TUSC3: variants seen among roughly 807,000 people sequenced by gnomAD.
The protein encoded by TUSC3 is dolichyl-diphosphooligosaccharide--protein glycosyltransferase subunit TUSC3.
Under a neutral mutation model 44.8 loss-of-function variants are expected in TUSC3, and 45 were observed. The observed-to-expected ratio is 1.00, with a 90% confidence interval of 0.79 to 1.29. The LOEUF is 1.29. TUSC3 is among the 50% of genes most tolerant of loss of function. The pLI, the probability that TUSC3 is intolerant of heterozygous loss-of-function variation, is 0.00. For missense variants in TUSC3, 519 were observed against 437.9 expected (o/e 1.19, Z -1.65); for synonymous variants, 212 against 152.9 (o/e 1.39, Z -2.85).
chr8:15,760,252 G>A (rs1379550448), intron 10 of TUSC3, among the ~76,000 whole-genome samples: 1 of 152,060 alleles, frequency 6.6e-6, no homozygotes, highest in African/African-American at 2.4e-5. Flanking sequence ...CCAACACCCA[G>A]GTCATCAAAT....
Position 15,428,456 on chromosome 8 carries a change from A to C in TUSC3, n.91+11151A>C, listed in dbSNP as rs371449158. On this transcript the variant is annotated intron_variant and non_coding_transcript_variant, in intron 1 of 5. Transcript: ENST00000503191. The stretch of plus-strand genomic sequence containing the variant: ...CGTGTGCATGTGTCTTTATAGCAGC[A>C]TGATTTATAGTCCTTTGGGTATATA... Among the ~76,000 whole-genome samples, 87 of 152,144 alleles carry C rather than the reference A, an allele frequency of 5.7e-4. 2 individuals carry two copies. In the South Asian group the frequency reaches 0.018, roughly 31 times the overall value.
chr8:15,822,325 TA>T, the TUSC3 span, among the ~76,000 whole-genome samples: 1 of 152,092 alleles, frequency 6.6e-6, no homozygotes, highest in Non-Finnish European at 1.5e-5. Flanking sequence ...CTACATATTT[TA>T]AAAAAATAGA....
At chr8:15,689,892 T>A (rs2129189376) in intron 6 of TUSC3, among the ~76,000 whole-genome samples, 1 of 146,550 alleles carries the variant, frequency 6.8e-6, no homozygotes, top group Non-Finnish European at 1.5e-5. Flanking sequence ...GCATGCCACA[T>A]TTTCTATATC....
intron 6 of TUSC3, among the ~76,000 whole-genome samples, chr8:15,703,984 T>TA (rs1291982170): frequency 1.3e-5 from 2 of 152,260 alleles, no homozygotes; most frequent in African/African-American, 4.8e-5. Context: ...ACAAAATAGA[T>TA]AAAGCTTATA....
chr8:15,501,885 G>A (rs575341308), intron 2 of TUSC3, among the ~76,000 whole-genome samples: 81 of 152,286 alleles, frequency 5.3e-4, no homozygotes, highest in Non-Finnish European at 4.0e-4. Flanking sequence ...TAATAACACA[G>A]TCTCTTATCC....
chr8:15,600,584 T>C (rs1804244066), intron 1 of TUSC3, among the ~76,000 whole-genome samples: 1 of 151,668 alleles, frequency 6.6e-6, no homozygotes. Flanking sequence ...GGGTTACAGA[T>C]TAAAATAAAT....
the TUSC3 span, among the ~76,000 whole-genome samples, chr8:15,812,538 A>C: frequency 1.3e-5 from 2 of 152,142 alleles, no homozygotes; most frequent in Non-Finnish European, 2.9e-5. Context: ...CACAGGTTTC[A>C]TCTACCTTAA....
chr8:15,634,653 C>G (rs1458717756), intron 2 of TUSC3, among the ~76,000 whole-genome samples: 1 of 152,266 alleles, frequency 6.6e-6, no homozygotes, highest in Middle Eastern at 3.4e-3. Context: ...GTGAGGAAGT[C>G]TTCAAAGGTG....
At position 15,573,168 on chromosome 8, in the gene TUSC3, TTC is replaced by T. The variant is rs1554516638; in HGVS notation, c.138+32634_138+32635del. The stretch of plus-strand genomic sequence containing the variant: ...TGCTTCAGTATAGTGTTCTCTCTCT[TTC>T]TCTCTCTCTCTCTCTCTCTCTCTCT... On this transcript the variant is annotated intron_variant, in intron 1 of 10. Transcript: ENST00000503731. Among the ~76,000 whole-genome samples the T allele has an allele frequency of 4.6e-3, 397 of 85,514 alleles. 4 individuals are homozygous for T. The highest frequency in any genetic ancestry group is 0.034 in the South Asian group (67 of 1,962). 56.1% of individuals were successfully genotyped at this position (85,514 alleles called of 152,430 possible).
At chr8:15,585,293 G>A (rs537058479) in intron 1 of TUSC3, among the ~76,000 whole-genome samples, 1 of 152,172 alleles carries the variant, frequency 6.6e-6, no homozygotes, top group South Asian at 2.1e-4. Context: ...CAAGAGAGAG[G>A]TACAGATTTG....
At chr8:15,421,888 T>C (rs1391636348) in intron 1 of TUSC3, among the ~76,000 whole-genome samples, 1 of 152,184 alleles carries the variant, frequency 6.6e-6, no homozygotes, top group African/African-American at 2.4e-5. Context: ...TGGAATGTAA[T>C]AATTATTTGT....
chr8:15,621,879 C>G (rs1805262748), intron 1 of TUSC3, among the ~76,000 whole-genome samples: 1 of 151,796 alleles, frequency 6.6e-6, no homozygotes, highest in African/African-American at 2.4e-5. Flanking sequence ...GGTTACTATG[C>G]TCTTTGGCCA....
chr8:15,610,496 A>G (rs996543653), intron 1 of TUSC3, among the ~76,000 whole-genome samples: 3 of 151,994 alleles, frequency 2.0e-5, no homozygotes, highest in African/African-American at 7.3e-5. Flanking sequence ...AACTTGATTT[A>G]TTTTAAATCT....
At chr8:15,562,882 T>G (rs1441236688) in intron 1 of TUSC3, among the ~76,000 whole-genome samples, 1 of 152,138 alleles carries the variant, frequency 6.6e-6, no homozygotes, top group Non-Finnish European at 1.5e-5. Context: ...TAATCTCTCA[T>G]TTAAATAACT....
intron 2 of TUSC3, among the ~76,000 whole-genome samples, chr8:15,529,176 G>A (rs750768880): frequency 3.3e-5 from 5 of 151,950 alleles, no homozygotes; most frequent in East Asian, 1.9e-4. Flanking sequence ...AAATGCAATC[G>A]CACAGGTGCA....
intron 6 of TUSC3, among the ~76,000 whole-genome samples, chr8:15,721,686 CTT>C (rs1222863392): frequency 6.6e-6 from 1 of 151,972 alleles, no homozygotes; most frequent in Non-Finnish European, 1.5e-5. Context: ...TTCAGTTTTT[CTT>C]TGTTACTGAA....
chr8:15,667,372 A>G (rs1377104599), intron 5 of TUSC3, among the ~76,000 whole-genome samples: 3 of 151,730 alleles, frequency 2.0e-5, no homozygotes, highest in Non-Finnish European at 4.4e-5. Flanking sequence ...GTTTTAAAAA[A>G]TGAACAATAA....
chr8:15,485,492 A>T (rs962484518), intron 2 of TUSC3, among the ~76,000 whole-genome samples: 1 of 144,456 alleles, frequency 6.9e-6, no homozygotes, highest in East Asian at 2.1e-4. Flanking sequence ...TGTGACACAG[A>T]GTTCTTGTCA....
chr8:15,577,430 G>C (rs1422641954), intron 1 of TUSC3, among the ~76,000 whole-genome samples: 4 of 151,526 alleles, frequency 2.6e-5, no homozygotes, highest in Non-Finnish European at 5.9e-5. Context: ...TTTCTTCTAG[G>C]GTTTTTATGG....
Sources: gnomAD v4.1 joint callset for allele counts (sites outside exome capture counted in the v4.1 genomes callset) on GRCh38, gnomAD v4.1.1 for gene constraint, MANE v1.5 for transcripts, NCBI Gene and HGNC (gene_info 2026-07-23, HGNC 2026-07-21) for gene names.